The following MRC1 variants were observed in gnomAD, a reference collection of about 807,000 sequenced individuals.
MRC1 encodes mannose receptor C-type 1, also known as macrophage mannose receptor 1.
In MRC1, 62 loss-of-function variants were observed where a neutral mutation model predicts 102.9. That is an observed-to-expected ratio of 0.60 (90% CI 0.49 to 0.74). The LOEUF is 0.74. Among genes scored for constraint, MRC1 ranks in the 30% least tolerant of loss-of-function variants. MRC1 has a pLI of 0.00. For missense variants in MRC1, 1,237 were observed against 862.8 expected, an observed-to-expected ratio of 1.43 and a Z score of -5.43; for synonymous variants, 457 against 298.4, an observed-to-expected ratio of 1.53 and a Z score of -5.48.
chr10:17,846,944 G>A (rs1281119264), intron 6 of MRC1, among the ~76,000 whole-genome samples: 1 of 152,128 alleles, frequency 6.6e-6, no homozygotes, highest in Non-Finnish European at 1.5e-5. Context: ...ATCATTCCTG[G>A]AAGTGGAATT....
chr10:17,862,163 G>A (rs1833194473), intron 10 of MRC1, among the ~76,000 whole-genome samples: 1 of 152,154 alleles, frequency 6.6e-6, no homozygotes, highest in Admixed American at 6.5e-5. Flanking sequence ...AGTACAATAA[G>A]TTATATTTAC....
chr10:17,828,650 G>A (rs1589167039), intron 3 of MRC1, among the ~76,000 whole-genome samples: 1 of 151,480 alleles, frequency 6.6e-6, no homozygotes, highest in South Asian at 2.1e-4. Context: ...CTCTTCTTAT[G>A]TTTAAATTAA....
At chr10:17,817,191 A>G (rs1285323766) in intron 1 of MRC1, among the ~76,000 whole-genome samples, 2 of 151,014 alleles carry the variant, frequency 1.3e-5, no homozygotes, top group Non-Finnish European at 2.9e-5. Context: ...CGGAGGTTGC[A>G]ACGTGTTGAG....
chr10:17,910,715 C>T lies in MRC1; in HGVS notation c.*250C>T. On this transcript the variant is annotated 3_prime_UTR_variant, in exon 30 of 30. Transcript: ENST00000569591. Reference sequence around the variant, plus strand: ...AGATAAATGCACAGCACCACAGCACCACATCTAAGCATTAGTGATGGGTAG... The same window carrying T: ...AGATAAATGCACAGCACCACAGCACTACATCTAAGCATTAGTGATGGGTAG... 3.9e-6 allele frequency: 2 copies of T among 515,310 alleles called. No individual in the cohort carries two copies. The highest frequency in any genetic ancestry group is 7.0e-6 in the Non-Finnish European group (2 of 287,118). The allele number at this position is 515,310 out of a possible 1,614,324, so 31.9% of individuals were successfully genotyped here.
chr10:17,890,986 G>A (rs1026340033), intron 22 of MRC1, among the ~76,000 whole-genome samples: 1 of 151,672 alleles, frequency 6.6e-6, no homozygotes, highest in African/African-American at 2.4e-5. Context: ...GCATGCGTGG[G>A]ATCTAGGTTG....
chr10:17,823,314 A>G lies in MRC1; in HGVS notation c.302A>G (p.Glu101Gly). The change falls in exon 2 of 30, where the codon GAG becomes GGG. Residue 101 changes from glutamate to glycine, a missense_variant. Physicochemically the swap from Glu to Gly is moderately conservative, Grantham distance 98. Transcript: ENST00000569591. Reference sequence around the variant, plus strand: ...TCAAAAAGTGAATTTCAGAAATGGGAGTGCAAAAATGACACACTTTTGGGG... The same window carrying G: ...TCAAAAAGTGAATTTCAGAAATGGGGGTGCAAAAATGACACACTTTTGGGG... ...CDSKSEFQKW[E>G]CKNDTLLGIK... 1.3e-6 allele frequency: 1 copy of G among 780,852 alleles called. No individual in the cohort carries two copies. The highest frequency in any genetic ancestry group is 2.4e-6 in the Non-Finnish European group (1 of 417,962). The allele number at this position is 780,852 out of a possible 1,614,324, so 48.4% of individuals were successfully genotyped here.
At chr10:17,887,112 ATTCTT>A (rs1424911029) in intron 22 of MRC1, among the ~76,000 whole-genome samples, 5 of 152,174 alleles carry the variant, frequency 3.3e-5, no homozygotes, top group Admixed American at 2.0e-4. Flanking sequence ...TGAAGTAGCC[ATTCTT>A]TTCTTTCTTT....
intron 11 of MRC1, among the ~76,000 whole-genome samples, chr10:17,864,827 C>CAAAAAAAAAAAA (rs34931364): frequency 2.5e-5 from 2 of 80,540 alleles, no homozygotes; most frequent in African/African-American, 9.6e-5. Context: ...AAAACTCCAT[C>CAAAAAAAAAAAA]AAAAAAAAAA....
intron 4 of MRC1, among the ~76,000 whole-genome samples, chr10:17,838,250 G>A (rs982930105): frequency 2.6e-5 from 4 of 152,152 alleles, no homozygotes; most frequent in Admixed American, 6.5e-5. Flanking sequence ...CCTGGCTCCA[G>A]TAAATGTGTT....
intron 1 of MRC1, among the ~76,000 whole-genome samples, chr10:17,814,677 CTTTTTTTTTTT>C (rs1179816829): frequency 1.1e-4 from 9 of 85,124 alleles, no homozygotes; most frequent in African/African-American, 2.8e-4. Flanking sequence ...TTCCGTCCCT[CTTTTTTTTTTT>C]TTTTTTTTTT....
intron 19 of MRC1, 42 bp from the exon 20 acceptor site, chr10:17,880,483 A>G (rs1833498468): frequency 3.8e-6 from 3 of 780,140 alleles, no homozygotes; most frequent in Admixed American, 1.7e-5. Context: ...GTTTTAAAAC[A>G]TAAACATATG....
At chr10:17,884,921 C>A (rs1312419400) in intron 21 of MRC1, among the ~76,000 whole-genome samples, 1 of 152,196 alleles carries the variant, frequency 6.6e-6, no homozygotes, top group African/African-American at 2.4e-5. Flanking sequence ...AGCTGCTAAT[C>A]CATACGGTGA....
intron 26 of MRC1, among the ~76,000 whole-genome samples, chr10:17,903,385 T>C (rs1314740698): frequency 7.1e-6 from 1 of 141,294 alleles, no homozygotes; most frequent in Non-Finnish European, 1.5e-5. Context: ...TTCTTTTCTT[T>C]TTTTTTCTTT....
chr10:17,857,965 G>A (rs1833120417), intron 9 of MRC1, among the ~76,000 whole-genome samples: 1 of 152,156 alleles, frequency 6.6e-6, no homozygotes, highest in Non-Finnish European at 1.5e-5. Context: ...TTATAAAGAA[G>A]TCTCATTATT....
At chr10:17,890,633 C>G (rs1438654436) in intron 22 of MRC1, among the ~76,000 whole-genome samples, 2 of 152,228 alleles carry the variant, frequency 1.3e-5, no homozygotes, top group African/African-American at 4.8e-5. Context: ...GATAATTCCA[C>G]TGTCTTTGTC....
In MRC1 at chr10:17,866,738, A is replaced by G. The variant is rs922767877; in HGVS notation, c.1960A>G (p.Ser654Gly). 2 of 780,872 alleles carry G rather than the reference A, an allele frequency of 2.6e-6. No individual in the cohort carries two copies. Among genetic ancestry groups the G allele is most frequent in the Admixed American group, 1.7e-5 (1 of 59,034 alleles). 48.4% of individuals were successfully genotyped at this position (780,872 alleles called of 1,614,324 possible). Residue 654 changes from serine to glycine, a missense_variant, in exon 12 of 30, where the codon AGT (serine) becomes GGT (glycine). By Grantham distance (56) the Ser-to-Gly change is moderately conservative (BLOSUM62 0). Transcript: ENST00000569591. ...PKCPEDWGAS[S>G]RTSLCFKLYA... is the part of the protein sequence containing the mutation. ...ATGTCCGGAGGATTGGGGCGCCAGC[A>G]GTAGAACAAGCTTGTGTTTCAAGGT...
rs1056152583 is a variant in MRC1, at chr10:17,880,006, C to G, written c.2719+185C>G. ...CGAGAATAGATGCTTAACATTTACA[C>G]TAGTAAATGACATAGTTAATCTTCT... is the stretch of plus-strand genomic sequence containing the variant. On this transcript the variant is annotated intron_variant, in intron 19 of 29. Transcript: ENST00000569591. Among the ~76,000 whole-genome samples the G allele has an allele frequency of 3.9e-5, 6 of 152,324 alleles. 1 individual carries two copies. The South Asian group carries it at 1.2e-3, about 32-fold the overall frequency.
intron 15 of MRC1, among the ~76,000 whole-genome samples, chr10:17,873,303 T>C (rs990639095): frequency 1.3e-4 from 20 of 152,210 alleles, no homozygotes; most frequent in Non-Finnish European, 2.2e-4. Flanking sequence ...TTTCAAATCA[T>C]GAAATCATAA....
chr10:17,909,969 C>T (rs1833947110), intron 29 of MRC1, among the ~76,000 whole-genome samples: 1 of 152,080 alleles, frequency 6.6e-6, no homozygotes, highest in Admixed American at 6.6e-5. Context: ...TATTTTAATA[C>T]ATTGATGAAC....
Sources: gnomAD v4.1 joint callset for allele counts (sites outside exome capture counted in the v4.1 genomes callset) on GRCh38, gnomAD v4.1.1 for gene constraint, MANE v1.5 for transcripts, NCBI Gene and HGNC (gene_info 2026-07-23, HGNC 2026-07-21) for gene names.